Variants in CEP112 observed in about 807,000 individuals in gnomAD.
CEP112 encodes the protein centrosomal protein of 112 kDa.
Under a neutral mutation model 153.0 loss-of-function variants are expected in CEP112, and 127 were observed. That is an observed-to-expected ratio of 0.83 (90% CI 0.72 to 0.96). The LOEUF (loss-of-function observed/expected upper bound fraction) is 0.96, where lower values mean the gene tolerates loss of function less well. CEP112 is among the 40% of genes least tolerant of loss of function. The pLI is 0.00. For synonymous variants in CEP112, 358 were observed against 374.4 expected (o/e 0.96, Z 0.51); for missense variants, 1,089 against 1,101.2 (o/e 0.99, Z 0.16).
chr17:66,100,951 A>G (rs1384268112), intron 6 of CEP112, among the ~76,000 whole-genome samples: 7 of 152,160 alleles, frequency 4.6e-5, no homozygotes, highest in Non-Finnish European at 1.0e-4. Context: ...TCTAAGGAAC[A>G]TCAGCATTTG....
intron 12 of CEP112, among the ~76,000 whole-genome samples, chr17:66,045,231 G>A (rs139492311): frequency 2.6e-5 from 4 of 151,998 alleles, no homozygotes; most frequent in African/African-American, 7.2e-5. Context: ...TACCACGCCC[G>A]GCTAATTTTT....
chr17:65,679,431 T>G (rs1428840821), intron 24 of CEP112, among the ~76,000 whole-genome samples: 2 of 152,216 alleles, frequency 1.3e-5, no homozygotes, highest in African/African-American at 2.4e-5. Context: ...ATTACATTTC[T>G]GTTGCAATTC....
At chr17:65,652,298 TG>T (rs1242045302) in intron 24 of CEP112, among the ~76,000 whole-genome samples, 3 of 152,170 alleles carry the variant, frequency 2.0e-5, no homozygotes, top group African/African-American at 7.2e-5. Context: ...GCCCCTAATC[TG>T]TGTGCTCCCA....
At chr17:65,728,243 G>C (rs926528052) in intron 23 of CEP112, among the ~76,000 whole-genome samples, 1 of 152,210 alleles carries the variant, frequency 6.6e-6, no homozygotes, top group African/African-American at 2.4e-5. Context: ...ATGCTGCATA[G>C]AGCTAGAGGA....
At chr17:65,881,916 G>A (rs531341452) in intron 20 of CEP112, among the ~76,000 whole-genome samples, 13 of 152,332 alleles carry the variant, frequency 8.5e-5, no homozygotes, top group South Asian at 6.2e-4. Flanking sequence ...CCCTCACTGC[G>A]GAATCAGTAG....
chr17:65,776,164 C>G (rs374138257), intron 21 of CEP112, among the ~76,000 whole-genome samples: 56 of 152,310 alleles, frequency 3.7e-4, no homozygotes, highest in Middle Eastern at 3.4e-3. Context: ...CTATGCCACC[C>G]CAAACCCTGT....
At chr17:65,775,622 C>A (rs1183526429) in intron 21 of CEP112, among the ~76,000 whole-genome samples, 1 of 152,090 alleles carries the variant, frequency 6.6e-6, no homozygotes, top group Non-Finnish European at 1.5e-5. Flanking sequence ...CCTGTCTCAG[C>A]CTCCCGAGTA....
At chr17:66,034,970 T>TTTTGTGTGTGTGTGTGTGTGTG (rs1555777524) in intron 12 of CEP112, among the ~76,000 whole-genome samples, 160 of 96,636 alleles carry the variant, frequency 1.7e-3, no homozygotes, top group Non-Finnish European at 2.3e-3. Context: ...AGCTAAGTTT[T>TTTTGTGTGTGTGTGTGTGTGTG]TGCATGTATA....
chr17:65,905,985 C>T (rs1598960132), intron 19 of CEP112, among the ~76,000 whole-genome samples: 1 of 151,736 alleles, frequency 6.6e-6, no homozygotes, highest in Non-Finnish European at 1.5e-5. Context: ...ATGTTTATTG[C>T]AGCACCCTTC....
intron 21 of CEP112, among the ~76,000 whole-genome samples, chr17:65,848,277 G>C (rs2057798564): frequency 6.6e-6 from 1 of 152,102 alleles, no homozygotes; most frequent in African/African-American, 2.4e-5. Flanking sequence ...CCCTGTTTCT[G>C]GGCACACAAT....
intron 6 of CEP112, among the ~76,000 whole-genome samples, chr17:66,111,381 A>G (rs2069035569): frequency 6.6e-6 from 1 of 152,194 alleles, no homozygotes; most frequent in South Asian, 2.1e-4. Flanking sequence ...AATATAAATC[A>G]TTCTACAGTA....
chr17:65,818,180 T>C (rs941528892), intron 21 of CEP112, among the ~76,000 whole-genome samples: 1 of 151,862 alleles, frequency 6.6e-6, no homozygotes, highest in Non-Finnish European at 1.5e-5. Flanking sequence ...TGACTTACAG[T>C]GAAGGAAGTA....
At chr17:65,844,005 G>A (rs910576135) in intron 21 of CEP112, among the ~76,000 whole-genome samples, 22 of 152,150 alleles carry the variant, frequency 1.4e-4, no homozygotes, top group African/African-American at 4.8e-4. Flanking sequence ...TATAAAAGGA[G>A]TTTATTAGAT....
intron 18 of CEP112, among the ~76,000 whole-genome samples, chr17:65,958,724 G>A (rs1194780361): frequency 6.6e-6 from 1 of 152,168 alleles, no homozygotes; most frequent in African/African-American, 2.4e-5. Flanking sequence ...ACAGCAGCAG[G>A]GGGCAGACAG....
intron 8 of CEP112, among the ~76,000 whole-genome samples, chr17:66,094,323 G>A (rs942276147): frequency 8.5e-5 from 13 of 152,074 alleles, no homozygotes; most frequent in African/African-American, 3.1e-4. Flanking sequence ...GCCTCCCAAA[G>A]TGCTCAATTA....
In CEP112 at chr17:65,719,755, T is replaced by A. The variant is rs2049759686; in HGVS notation, c.2607+23313A>T. Among the ~76,000 whole-genome samples, 3 of 152,028 alleles carry A rather than the reference T, an allele frequency of 2.0e-5. No individual in the cohort carries two copies. The South Asian group carries it at 6.3e-4, about 32-fold the overall frequency. ...AAGATGAGAGAAAGCTCATCCTAACTGAAGATTTTTTAAAAGATCAGCACT... is the reference window on the plus strand; with the variant it reads ...AAGATGAGAGAAAGCTCATCCTAACAGAAGATTTTTTAAAAGATCAGCACT... On this transcript the variant is annotated intron_variant, in intron 23 of 26. Transcript: ENST00000535342.
intron 17 of CEP112, among the ~76,000 whole-genome samples, chr17:65,970,532 A>G (rs1053629240): frequency 1.3e-5 from 2 of 151,888 alleles, no homozygotes; most frequent in African/African-American, 4.8e-5. Context: ...ATACATGTAT[A>G]ACACATGAAT....
intron 4 of CEP112, among the ~76,000 whole-genome samples, chr17:66,133,990 G>C (rs2070319442): frequency 6.6e-6 from 1 of 151,844 alleles, no homozygotes; most frequent in South Asian, 2.1e-4. Flanking sequence ...AATCAAATGA[G>C]AAAAATGGGC....
chr17:65,685,251 T>A (rs1439577954), intron 24 of CEP112, among the ~76,000 whole-genome samples: 1 of 152,224 alleles, frequency 6.6e-6, no homozygotes, highest in East Asian at 1.9e-4. Flanking sequence ...TGGTTTTTAA[T>A]TAAAAACATA....
Sources: allele counts gnomAD v4.1 joint callset (sites outside exome capture counted in the v4.1 genomes callset), GRCh38; gene constraint gnomAD v4.1.1; transcripts MANE v1.5; gene names NCBI Gene and HGNC (gene_info 2026-07-23, HGNC 2026-07-21).